NGEF: variants seen among roughly 807,000 people sequenced by gnomAD.
NGEF encodes ephexin-1.
Under a neutral mutation model 80.9 loss-of-function variants are expected in NGEF, and 31 were observed. The ratio of observed to expected loss-of-function variants is 0.38; its 90% CI spans 0.29 to 0.52. The LOEUF (loss-of-function observed/expected upper bound fraction) is 0.52. Ranked by LOEUF, NGEF falls within the 20% of genes least tolerant of loss-of-function variation. The pLI, the probability that NGEF is intolerant of heterozygous loss-of-function variation, is 0.84. For synonymous variants in NGEF, 371 were observed against 370.2 expected (o/e 1.00, Z -0.03); for missense variants, 709 against 926.2 (o/e 0.77, Z 3.04).
intron 4 of NGEF, among the ~76,000 whole-genome samples, chr2:232,923,985 C>G (rs1693004693): frequency 6.6e-6 from 1 of 152,118 alleles, no homozygotes; most frequent in African/African-American, 2.4e-5. Flanking sequence ...GCCTGTAATC[C>G]CAGCACTTTG....
rs150317680 is a variant in NGEF at position 232,946,611 on chromosome 2, A to T, written c.384-19425T>A. The stretch of plus-strand genomic sequence containing the variant: ...GTGACCTACCAGTAGTAACGAGCAC[A>T]TCTAATGCCCAGATCTTGGTTTCTA... On this transcript the variant is annotated intron_variant, in intron 3 of 14. Coordinates refer to ENST00000264051, the MANE Select transcript of NGEF (RefSeq NM_019850.3). Among the ~76,000 whole-genome samples, 485 of 152,330 alleles carry T rather than the reference A, an allele frequency of 3.2e-3. 1 individual carries two copies. Among genetic ancestry groups the T allele is most frequent in the Non-Finnish European group, 6.1e-3 (412 of 68,024 alleles).
At chr2:232,890,801 C>G (rs1465494618) in intron 8 of NGEF, 2 of 415,630 alleles carry the variant, frequency 4.8e-6, no homozygotes, top group South Asian at 3.6e-5. Context: ...AAAGTGGGTC[C>G]GATCAGGTGA....
intron 4 of NGEF, among the ~76,000 whole-genome samples, chr2:232,921,942 G>A (rs1009961060): frequency 3.3e-5 from 5 of 152,264 alleles, no homozygotes; most frequent in East Asian, 1.9e-4. Flanking sequence ...CCAGTGGGAC[G>A]GCAGAGACCA....
chr2:232,931,379 G>A (rs1429691123), intron 3 of NGEF, among the ~76,000 whole-genome samples: 1 of 152,170 alleles, frequency 6.6e-6, no homozygotes, highest in African/African-American at 2.4e-5. Flanking sequence ...GGTAGAAATT[G>A]GATATTTAGT....
intron 9 of NGEF, chr2:232,885,634 T>TG: frequency 2.1e-6 from 1 of 478,464 alleles, no homozygotes; most frequent in Non-Finnish European, 3.8e-6. Context: ...AGAAAACACA[T>TG]GCGTGAGGCA....
At chr2:232,994,874 A>G (rs1164893616) in intron 1 of NGEF, among the ~76,000 whole-genome samples, 2 of 151,824 alleles carry the variant, frequency 1.3e-5, no homozygotes, top group Non-Finnish European at 2.9e-5. Context: ...ACATATACAT[A>G]TATGGATATA....
At position 232,920,588 on chromosome 2, in the gene NGEF, G is replaced by C. The variant is rs1374405232; in HGVS notation, c.527-3C>G. On this transcript the variant is annotated splice_region_variant and splice_polypyrimidine_tract_variant and intron_variant, in intron 4 of 14. Coordinates refer to ENST00000264051, the MANE Select transcript of NGEF (RefSeq NM_019850.3). ...TCGGTATTCCTGATACAGGAGCCCT[G>C]AAATCAAAGAGTTGTAAAAAAGAAA... The C allele has an allele frequency of 6.6e-6, 10 of 1,509,428 alleles. No individual in the cohort carries two copies. The highest frequency in any genetic ancestry group is 8.9e-6 in the Non-Finnish European group (10 of 1,128,376). The allele number at this position is 1,509,428 out of a possible 1,614,324, so 93.5% of individuals were successfully genotyped here.
At chr2:232,937,279 T>G (rs1290523244) in intron 3 of NGEF, among the ~76,000 whole-genome samples, 1 of 152,172 alleles carries the variant, frequency 6.6e-6, no homozygotes, top group African/African-American at 2.4e-5. Flanking sequence ...GTAATCTGAT[T>G]TAGAACACAG....
intron 3 of NGEF, among the ~76,000 whole-genome samples, chr2:232,941,430 G>GCTATAAA (rs1693435304): frequency 6.8e-6 from 1 of 146,096 alleles, no homozygotes; most frequent in Non-Finnish European, 1.5e-5. Flanking sequence ...CTTTGTTTAA[G>GCTATAAA]CTATAAACTA....
intron 1 of NGEF, among the ~76,000 whole-genome samples, chr2:232,982,332 C>A (rs1228361917): frequency 6.6e-6 from 1 of 152,108 alleles, no homozygotes; most frequent in Non-Finnish European, 1.5e-5. Flanking sequence ...TTTCCTGTGA[C>A]AAGAAGGGCT....
intron 1 of NGEF, among the ~76,000 whole-genome samples, chr2:232,977,316 C>T (rs1273945710): frequency 6.6e-6 from 1 of 152,124 alleles, no homozygotes; most frequent in African/African-American, 2.4e-5. Flanking sequence ...CCTCTGGGAG[C>T]CTGGGGGCAG....
chr2:232,968,761 G>A lies in NGEF; in HGVS notation c.383+1453C>T, dbSNP rs148086233. On this transcript the variant is annotated intron_variant, in intron 3 of 14. Transcript: ENST00000264051. The stretch of plus-strand genomic sequence containing the variant: ...CCAGCCTCCCTTGCTGGTGGAGGTG[G>A]CCATGTGACCCAGTTTTGGCTAATA... Among the ~76,000 whole-genome samples, 617 of 152,312 alleles carry A rather than the reference G, an allele frequency of 4.1e-3. 5 individuals carry two copies. Among genetic ancestry groups the A allele is most frequent in the African/African-American group, 0.012 (490 of 41,558 alleles).
rs1403973494 is a variant in NGEF at position 232,922,293 on chromosome 2, G to T, written c.527-1708C>A. Among the ~76,000 whole-genome samples the T allele has an allele frequency of 2.0e-5, 3 of 152,202 alleles. No homozygotes were observed. The East Asian group carries it at 5.8e-4, about 29-fold the overall frequency. ...GACCACCTTCAAAATCCTGAATGAGGCTGGAGAAATTATATTCATGAACAG... is the reference window on the plus strand; with the variant it reads ...GACCACCTTCAAAATCCTGAATGAGTCTGGAGAAATTATATTCATGAACAG... On this transcript the variant is annotated intron_variant, in intron 4 of 14. Coordinates refer to ENST00000264051, the MANE Select transcript of NGEF (RefSeq NM_019850.3).
chr2:232,939,354 ATAT>A (rs1250660553), intron 3 of NGEF, among the ~76,000 whole-genome samples: 3 of 152,238 alleles, frequency 2.0e-5, no homozygotes, highest in South Asian at 2.1e-4. Flanking sequence ...ATAGAAAGTG[ATAT>A]TATTATTATT....
intron 9 of NGEF, among the ~76,000 whole-genome samples, chr2:232,886,723 C>T (rs540205587): frequency 6.6e-5 from 10 of 152,354 alleles, no homozygotes; most frequent in African/African-American, 2.4e-4. Flanking sequence ...ACCCCTGGCC[C>T]AGGGCTGACC....
At position 232,995,511 on chromosome 2, in the gene NGEF, GTA is replaced by G. The variant is rs1167145551; in HGVS notation, c.-75+17555_-75+17556del. 5.1e-4 allele frequency among the ~76,000 whole-genome samples: 2 copies of G among 3,944 alleles called. 1 individual carries two copies. Among genetic ancestry groups the G allele is most frequent in the Non-Finnish European group, 1.2e-3 (2 of 1,610 alleles). 2.6% of individuals were successfully genotyped at this position (3,944 alleles called of 152,430 possible). On this transcript the variant is annotated intron_variant, in intron 1 of 14. Transcript: ENST00000264051. Reference sequence around the variant, plus strand: ...TATGTATACTGACAGTATACATACTGTATATATATACAGTATGTATACATATA... The same window carrying G: ...TATGTATACTGACAGTATACATACTGTATATATACAGTATGTATACATATA...
chr2:232,890,908 C>G (rs143944388), intron 8 of NGEF: 3 of 471,278 alleles, frequency 6.4e-6, no homozygotes, highest in Admixed American at 2.3e-5. Context: ...TTCCCGAGAT[C>G]GCTGCTGGCC....
chr2:232,944,756 T>TATAC, intron 3 of NGEF, among the ~76,000 whole-genome samples: 1 of 126,780 alleles, frequency 7.9e-6, no homozygotes, highest in Non-Finnish European at 1.7e-5. Flanking sequence ...TATATATATA[T>TATAC]ATATATCTTT....
intron 1 of NGEF, among the ~76,000 whole-genome samples, chr2:232,993,656 G>A (rs1308274856): frequency 6.6e-6 from 1 of 152,148 alleles, no homozygotes; most frequent in Non-Finnish European, 1.5e-5. Context: ...CTGGCAAAAA[G>A]TGAAAACACC....
Sources: allele counts gnomAD v4.1 joint callset (sites outside exome capture counted in the v4.1 genomes callset), GRCh38; gene constraint gnomAD v4.1.1; transcripts MANE v1.5; gene names NCBI Gene and HGNC (gene_info 2026-07-23, HGNC 2026-07-21).